The following SLC24A2 variants were observed in gnomAD, a reference collection of about 807,000 sequenced individuals.
The protein encoded by SLC24A2 is sodium/potassium/calcium exchanger 2.
SLC24A2 carries 36 observed loss-of-function variants against 62.0 expected under a neutral mutation model. That is an observed-to-expected ratio of 0.58 (90% confidence interval 0.44 to 0.77). SLC24A2 has a LOEUF of 0.77. Among genes scored for constraint, SLC24A2 ranks in the 30% least tolerant of loss-of-function variants. The pLI, the probability that SLC24A2 is intolerant of heterozygous loss-of-function variation, is 0.00. For missense variants in SLC24A2, 846 were observed against 817.9 expected (o/e 1.03, Z -0.42); for synonymous variants, 358 against 294.0 (o/e 1.22, Z -2.23).
chr9:20,210,518 G>A, the SLC24A2 span, among the ~76,000 whole-genome samples: 113 of 152,040 alleles, frequency 7.4e-4, no homozygotes, highest in African/African-American at 2.6e-3. Context: ...CTGTCGCCCA[G>A]GCTGGAGTGT....
chr9:19,896,922 CTAATT>C, the SLC24A2 span, among the ~76,000 whole-genome samples: 2 of 152,110 alleles, frequency 1.3e-5, no homozygotes, highest in African/African-American at 4.8e-5. Flanking sequence ...TTTAAAGTGT[CTAATT>C]TAAGAGTTGG....
At chr9:20,163,425 G>A in the SLC24A2 span, among the ~76,000 whole-genome samples, 5 of 152,030 alleles carry the variant, frequency 3.3e-5, no homozygotes, top group South Asian at 1.0e-3. Flanking sequence ...AACTTACAAG[G>A]GACGTGAAGG....
intron 7 of SLC24A2, among the ~76,000 whole-genome samples, chr9:19,568,091 G>A (rs1293867591): frequency 2.6e-5 from 4 of 152,108 alleles, no homozygotes; most frequent in African/African-American, 9.7e-5. Flanking sequence ...GTCAGGATGC[G>A]CACCTCACTC....
rs139843020 is a variant in SLC24A2 at position 19,595,742 on chromosome 9, A to G, written c.1129+1487T>C. On this transcript the variant is annotated intron_variant, in intron 5 of 10. Transcript: ENST00000341998. ...GAGAAGGGGATGGCAGGGAAACAAAAGTACGTAGGAGGTAGGACATTAATG... is the reference window on the plus strand; with the variant it reads ...GAGAAGGGGATGGCAGGGAAACAAAGGTACGTAGGAGGTAGGACATTAATG... 6.3e-3 allele frequency among the ~76,000 whole-genome samples: 965 copies of G among 152,292 alleles called. 13 individuals are homozygous for G. Among genetic ancestry groups the G allele is most frequent in the African/African-American group, 0.023 (936 of 41,552 alleles).
intron 8 of SLC24A2, among the ~76,000 whole-genome samples, chr9:19,549,023 A>G (rs1563954748): frequency 1.3e-5 from 2 of 152,236 alleles, no homozygotes; most frequent in Admixed American, 6.5e-5. Context: ...GCAATGGCCC[A>G]AGAACTCACT....
intron 2 of SLC24A2, among the ~76,000 whole-genome samples, chr9:19,652,205 T>C (rs1459933488): frequency 6.6e-6 from 1 of 152,210 alleles, no homozygotes; most frequent in Non-Finnish European, 1.5e-5. Flanking sequence ...GTACTTCCTC[T>C]AGCTCCTGGC....
At chr9:19,525,225 AAAATATCATGTAG>A (rs1833378412) in intron 9 of SLC24A2, among the ~76,000 whole-genome samples, 1 of 152,048 alleles carries the variant, frequency 6.6e-6, no homozygotes, top group South Asian at 2.1e-4. Flanking sequence ...TGAATAATAT[AAAATATCATGTAG>A]AAATAAGACA....
At chr9:20,228,646 T>C in the SLC24A2 span, among the ~76,000 whole-genome samples, 2 of 152,072 alleles carry the variant, frequency 1.3e-5, no homozygotes, top group Non-Finnish European at 2.9e-5. Flanking sequence ...CGCCCCATTG[T>C]CTCTGATCCA....
At chr9:19,831,826 T>G in the SLC24A2 span, among the ~76,000 whole-genome samples, 1 of 152,232 alleles carries the variant, frequency 6.6e-6, no homozygotes, top group Non-Finnish European at 1.5e-5. Flanking sequence ...GATATGCCAT[T>G]CAAATCATAA....
the SLC24A2 span, among the ~76,000 whole-genome samples, chr9:19,921,848 T>A: frequency 6.6e-6 from 1 of 152,158 alleles, no homozygotes; most frequent in Non-Finnish European, 1.5e-5. Flanking sequence ...GATATCTTAT[T>A]GATATGAAAG....
the SLC24A2 span, among the ~76,000 whole-genome samples, chr9:19,865,501 A>T: frequency 1.3e-5 from 2 of 152,176 alleles, no homozygotes; most frequent in African/African-American, 4.8e-5. Context: ...TGGCATAAAA[A>T]CAGACACACA....
At chr9:19,608,466 A>G (rs569517555) in intron 4 of SLC24A2, among the ~76,000 whole-genome samples, 1 of 152,300 alleles carries the variant, frequency 6.6e-6, no homozygotes, top group South Asian at 2.1e-4. Flanking sequence ...GAAAGCCTTT[A>G]CAGAACAGAC....
In SLC24A2 at chr9:19,586,581, A is replaced by G. The variant is rs768820388; in HGVS notation, c.1130-9559T>C. 3.3e-5 allele frequency among the ~76,000 whole-genome samples: 5 copies of G among 152,006 alleles called. No individual in the cohort carries two copies. The South Asian group carries it at 6.2e-4, about 19-fold the overall frequency. ...GTGTTTATAATTAATGTTTATTTTA[A>G]TACCCCCTCCCTTTTTTTATAAAAA... On this transcript the variant is annotated intron_variant, in intron 5 of 10. Coordinates refer to ENST00000341998, the MANE Select transcript of SLC24A2 (RefSeq NM_020344.4).
intron 9 of SLC24A2, among the ~76,000 whole-genome samples, chr9:19,523,196 A>G (rs1449885345): frequency 6.6e-6 from 1 of 152,210 alleles, no homozygotes; most frequent in Non-Finnish European, 1.5e-5. Flanking sequence ...GAATGCTACT[A>G]TATACAGGAA....
chr9:20,088,323 G>A, the SLC24A2 span, among the ~76,000 whole-genome samples: 34 of 151,850 alleles, frequency 2.2e-4, 1 homozygote, highest in Middle Eastern at 6.9e-3. Flanking sequence ...GCAGGCTGCC[G>A]GCTTTGCTGT....
chr9:20,291,349 G>C, the SLC24A2 span, among the ~76,000 whole-genome samples: 44 of 152,264 alleles, frequency 2.9e-4, no homozygotes, highest in African/African-American at 9.9e-4. Flanking sequence ...AAATGAAAAG[G>C]AGAAAGGTAC....
At chr9:19,831,123 C>T in the SLC24A2 span, among the ~76,000 whole-genome samples, 1 of 152,182 alleles carries the variant, frequency 6.6e-6, no homozygotes, top group African/African-American at 2.4e-5. Flanking sequence ...GCCCTCATGA[C>T]TTAATCATCT....
intron 2 of SLC24A2, among the ~76,000 whole-genome samples, chr9:19,681,104 A>T (rs62564201): frequency 0.072 from 10,971 of 152,046 alleles, 506 homozygotes; most frequent in Middle Eastern, 0.16. Flanking sequence ...CTCAGAGCAG[A>T]AGTCAATGCC....
the SLC24A2 span, among the ~76,000 whole-genome samples, chr9:20,289,673 C>CCTT: frequency 2.0e-5 from 3 of 152,148 alleles, no homozygotes; most frequent in Non-Finnish European, 4.4e-5. Context: ...CAGCACGGGG[C>CCTT]CTTTGACAGG....
Sources: allele counts gnomAD v4.1 joint callset (sites outside exome capture counted in the v4.1 genomes callset), GRCh38; gene constraint gnomAD v4.1.1; transcripts MANE v1.5; gene names NCBI Gene and HGNC (gene_info 2026-07-23, HGNC 2026-07-21).